BBS9: variants seen among roughly 807,000 people sequenced by gnomAD.
BBS9 encodes Bardet-Biedl syndrome 9.
In BBS9, 89 loss-of-function variants were observed where a neutral mutation model predicts 117.7. The ratio of observed to expected loss-of-function variants is 0.76; its 90% CI spans 0.64 to 0.90. The LOEUF (loss-of-function observed/expected upper bound fraction) is 0.90. Among genes scored for constraint, BBS9 ranks in the 40% least tolerant of loss-of-function variants. BBS9 has a pLI of 0.00. For synonymous variants in BBS9, 379 were observed against 370.9 expected (o/e 1.02, Z -0.25); for missense variants, 982 against 1,042.2 (o/e 0.94, Z 0.80).
intron 5 of BBS9, among the ~76,000 whole-genome samples, chr7:33,206,527 C>T (rs531814719): frequency 6.6e-6 from 1 of 151,948 alleles, no homozygotes; most frequent in Non-Finnish European, 1.5e-5. Context: ...ACCTTATTTG[C>T]TTTATGTTTT....
chr7:33,285,455 A>G (rs1272382209), intron 9 of BBS9, among the ~76,000 whole-genome samples: 1 of 152,176 alleles, frequency 6.6e-6, no homozygotes, highest in Non-Finnish European at 1.5e-5. Context: ...TACTATTGGT[A>G]CCTCAGTAAA....
At chr7:33,338,415 T>C (rs1317714643) in intron 10 of BBS9, among the ~76,000 whole-genome samples, 5 of 152,178 alleles carry the variant, frequency 3.3e-5, no homozygotes, top group Non-Finnish European at 7.4e-5. Context: ...GCTGAACTTT[T>C]TGATGACCCC....
At chr7:33,235,464 G>C (rs1793303421) in intron 5 of BBS9, among the ~76,000 whole-genome samples, 1 of 151,986 alleles carries the variant, frequency 6.6e-6, no homozygotes, top group South Asian at 2.1e-4. Context: ...TAGTACATTT[G>C]GGCCTCAGAA....
At chr7:33,578,348 C>G (rs1859296020) in intron 21 of BBS9, among the ~76,000 whole-genome samples, 1 of 152,272 alleles carries the variant, frequency 6.6e-6, no homozygotes, top group African/African-American at 2.4e-5. Context: ...CTTGTTCTTC[C>G]CTACAAGGCA....
chr7:33,157,828 T>A (rs1167890944), intron 4 of BBS9: 1 of 148,702 alleles, frequency 6.7e-6, no homozygotes, highest in Non-Finnish European at 1.5e-5. Flanking sequence ...TTTGGTGGGT[T>A]ATGTGTCATC....
At chr7:33,189,662 C>A (rs1021312874) in intron 5 of BBS9, among the ~76,000 whole-genome samples, 30 of 149,488 alleles carry the variant, frequency 2.0e-4, no homozygotes, top group African/African-American at 7.1e-4. Context: ...CTGAGGGGGG[C>A]GGATCACGAG....
intron 6 of BBS9, among the ~76,000 whole-genome samples, chr7:33,258,836 T>C (rs543625910): frequency 1.4e-3 from 207 of 152,350 alleles, no homozygotes; most frequent in African/African-American, 4.8e-3. Context: ...AGAGAAGTAA[T>C]GTGTAGATTT....
intron 20 of BBS9, among the ~76,000 whole-genome samples, chr7:33,506,283 G>A (rs1240601287): frequency 1.3e-5 from 2 of 152,016 alleles, no homozygotes; most frequent in Non-Finnish European, 2.9e-5. Context: ...CCGTTCTGGG[G>A]GACTTTTTGT....
chr7:33,573,076 C>T (rs1858100554), intron 21 of BBS9, among the ~76,000 whole-genome samples: 1 of 151,894 alleles, frequency 6.6e-6, no homozygotes, highest in Non-Finnish European at 1.5e-5. Flanking sequence ...AGATATAATT[C>T]ACATGCCACA....
At chr7:33,285,983 G>A (rs1371148123) in intron 9 of BBS9, among the ~76,000 whole-genome samples, 1 of 151,878 alleles carries the variant, frequency 6.6e-6, no homozygotes, top group Non-Finnish European at 1.5e-5. Flanking sequence ...TACAGTTCCA[G>A]ATTGTTTGAT....
At chr7:33,629,699 A>G (rs539165561) in intron 21 of BBS9, among the ~76,000 whole-genome samples, 1 of 152,350 alleles carries the variant, frequency 6.6e-6, no homozygotes, top group African/African-American at 2.4e-5. Flanking sequence ...GAACTTTGTC[A>G]GAAATAAGGT....
intron 5 of BBS9, among the ~76,000 whole-genome samples, chr7:33,205,327 C>G (rs1786696130): frequency 6.6e-6 from 1 of 152,176 alleles, no homozygotes; most frequent in Admixed American, 6.5e-5. Flanking sequence ...ACCTCCCTCT[C>G]TAGACCTCCT....
intron 21 of BBS9, among the ~76,000 whole-genome samples, chr7:33,628,629 G>C (rs1347625746): frequency 6.6e-6 from 1 of 152,174 alleles, no homozygotes; most frequent in African/African-American, 2.4e-5. Flanking sequence ...TGGGAATCAG[G>C]AAAGAATGTA....
intron 16 of BBS9, among the ~76,000 whole-genome samples, chr7:33,367,163 G>A (rs555775602): frequency 9.2e-5 from 14 of 152,250 alleles, no homozygotes; most frequent in Admixed American, 4.6e-4. Context: ...TGCAGTTTGA[G>A]TAGGGTTTTC....
intron 19 of BBS9, among the ~76,000 whole-genome samples, chr7:33,403,476 C>T (rs75125970): frequency 8.8e-6 from 1 of 113,968 alleles, no homozygotes; most frequent in Non-Finnish European, 1.7e-5. Context: ...TCCCCCCACC[C>T]CACAACAGTC....
intron 5 of BBS9, among the ~76,000 whole-genome samples, chr7:33,230,947 A>T (rs1792257451): frequency 6.6e-6 from 1 of 152,010 alleles, no homozygotes; most frequent in South Asian, 2.1e-4. Flanking sequence ...GGATAGTGGG[A>T]TTGCTGGGTC....
At chr7:33,171,107 A>G (rs1301627683) in intron 4 of BBS9, among the ~76,000 whole-genome samples, 1 of 152,096 alleles carries the variant, frequency 6.6e-6, no homozygotes, top group Non-Finnish European at 1.5e-5. Flanking sequence ...AAACTACTTT[A>G]AAGTTCATAT....
intron 21 of BBS9, among the ~76,000 whole-genome samples, chr7:33,624,486 A>T (rs1217398992): frequency 4.6e-5 from 7 of 152,120 alleles, no homozygotes; most frequent in Non-Finnish European, 1.0e-4. Context: ...TACTGTTGAG[A>T]TCTATTTCTC....
At chr7:33,292,714 T>C (rs1004880944) in intron 9 of BBS9, among the ~76,000 whole-genome samples, 6 of 152,052 alleles carry the variant, frequency 3.9e-5, no homozygotes, top group African/African-American at 1.4e-4. Flanking sequence ...CTTTAAATTA[T>C]AGAAAAAAGT....
Sources: gnomAD v4.1 joint callset for allele counts (sites outside exome capture counted in the v4.1 genomes callset) on GRCh38, gnomAD v4.1.1 for gene constraint, MANE v1.5 for transcripts, NCBI Gene and HGNC (gene_info 2026-07-23, HGNC 2026-07-21) for gene names.